IMPG2: variants seen among roughly 807,000 people sequenced by gnomAD.
The protein encoded by IMPG2 is IPM 200.
A neutral mutation model predicts 129.2 loss-of-function variants in IMPG2; 91 were observed. The observed-to-expected ratio is 0.70, with a 90% CI of 0.59 to 0.84. IMPG2 has a LOEUF of 0.84. IMPG2 is among the 40% of genes least tolerant of loss of function. The pLI is 0.00. For missense variants in IMPG2, 1,430 were observed against 1,461.7 expected (o/e 0.98, Z 0.35); for synonymous variants, 510 against 517.7 (o/e 0.99, Z 0.20).
intron 3 of IMPG2, among the ~76,000 whole-genome samples, chr3:101,303,914 T>C (rs1326522729): frequency 6.6e-6 from 1 of 152,196 alleles, no homozygotes; most frequent in Non-Finnish European, 1.5e-5. Context: ...TAATAATGTC[T>C]TCTTTTTCTT....
chr3:101,246,328 C>T (rs538859453), intron 11 of IMPG2, among the ~76,000 whole-genome samples: 2 of 152,062 alleles, frequency 1.3e-5, no homozygotes, highest in African/African-American at 4.8e-5. Flanking sequence ...ACCTGAAAAC[C>T]AAGGACAGAT....
rs1281613166 is a variant in IMPG2 at position 101,223,192 on chromosome 3, G to A, written c.*3777C>T. ...ACAATGCAATGGATTTGAGAATAGTGACCGTCACATCATTTTTCTGCATTT... is the reference window on the plus strand; with the variant it reads ...ACAATGCAATGGATTTGAGAATAGTAACCGTCACATCATTTTTCTGCATTT... On this transcript the variant is annotated 3_prime_UTR_variant, in exon 19 of 19. Transcript: ENST00000193391. 1.3e-5 allele frequency: 2 copies of A among 152,160 alleles called. No homozygotes were observed. The highest frequency in any genetic ancestry group is 2.9e-5 in the Non-Finnish European group (2 of 68,034). 9.4% of individuals were successfully genotyped at this position (152,160 alleles called of 1,614,324 possible).
chr3:101,319,968 T>A, intron 1 of IMPG2, 136 bp from the exon 2 acceptor site: 1 of 873,290 alleles, frequency 1.1e-6, no homozygotes, highest in Non-Finnish European at 1.8e-6. Context: ...CATGCATATC[T>A]AAGGAAAAGA....
chr3:101,228,867 C>A lies in IMPG2; in HGVS notation c.3643G>T (p.Glu1215Ter). The A allele has an allele frequency of 6.2e-7, 1 of 1,613,276 alleles. No homozygotes were observed. The highest frequency in any genetic ancestry group is 8.5e-7 in the Non-Finnish European group (1 of 1,179,306). The part of the protein sequence containing the change: ...SSELSREEIQ[E>*]RMRVLELYAN... Reference sequence around the variant, plus strand: ...TACAGTTCCAAAACTCTCATTCTCTCTTGAATTTCCTTAAACAAAAAAGAA... The same window carrying A: ...TACAGTTCCAAAACTCTCATTCTCTATTGAATTTCCTTAAACAAAAAAGAA... The change falls in exon 18 of 19, where the codon GAG (glutamate) becomes TAG (stop). Residue 1215 changes from glutamate to a stop codon, truncating the protein, a stop_gained. Transcript: ENST00000193391. LOFTEE classifies it high-confidence loss of function.
intron 14 of IMPG2, among the ~76,000 whole-genome samples, chr3:101,235,230 TGA>T (rs1403933361): frequency 1.3e-5 from 2 of 152,228 alleles, no homozygotes; most frequent in African/African-American, 4.8e-5. Flanking sequence ...AAGGAAAGTG[TGA>T]GAGTCTTTTT....
At chr3:101,247,208 A>G (rs1188738075) in intron 11 of IMPG2, among the ~76,000 whole-genome samples, 1 of 152,250 alleles carries the variant, frequency 6.6e-6, no homozygotes, top group Non-Finnish European at 1.5e-5. Flanking sequence ...AAAGATAGAT[A>G]ACTACAATCC....
chr3:101,259,026 T>C (rs1333845112), intron 9 of IMPG2, among the ~76,000 whole-genome samples: 1 of 152,184 alleles, frequency 6.6e-6, no homozygotes, highest in African/African-American at 2.4e-5. Flanking sequence ...AGATGTAATA[T>C]GTGGCAGAGT....
At chr3:101,290,688 G>C (rs1159592482) in intron 4 of IMPG2, among the ~76,000 whole-genome samples, 2 of 151,998 alleles carry the variant, frequency 1.3e-5, no homozygotes, top group African/African-American at 4.8e-5. Context: ...TTGAAACCTG[G>C]ATATACCCCA....
chr3:101,250,193 A>G (rs1706528916), intron 11 of IMPG2, among the ~76,000 whole-genome samples: 1 of 152,208 alleles, frequency 6.6e-6, no homozygotes, highest in Non-Finnish European at 1.5e-5. Flanking sequence ...CTTAGCACCA[A>G]ATAGACATAA....
intron 2 of IMPG2, among the ~76,000 whole-genome samples, chr3:101,312,887 G>A (rs1260707786): frequency 6.6e-6 from 1 of 152,038 alleles, no homozygotes; most frequent in East Asian, 1.9e-4. Flanking sequence ...ACACAATTCT[G>A]TAAAGACAGA....
At chr3:101,311,423 G>C (rs1297798603) in intron 2 of IMPG2, among the ~76,000 whole-genome samples, 1 of 151,956 alleles carries the variant, frequency 6.6e-6, no homozygotes, top group African/African-American at 2.4e-5. Flanking sequence ...CTGTATGATA[G>C]CAATGAACAA....
chr3:101,232,766 G>A lies in IMPG2; in HGVS notation c.3233+15C>T. The A allele has an allele frequency of 6.2e-7, 1 of 1,611,648 alleles. No individual in the cohort carries two copies. Among genetic ancestry groups the A allele is most frequent in the Non-Finnish European group, 8.5e-7 (1 of 1,178,158 alleles). ...TCTATAGCCTCTAAAGTCAAAATCT[G>A]TAACTACAACATACCTACAAATGGC... On this transcript the variant is annotated intron_variant, in intron 15 of 18. Coordinates refer to ENST00000193391, the MANE Select transcript of IMPG2 (RefSeq NM_016247.4).
At chr3:101,281,615 A>T (rs1010581846) in intron 4 of IMPG2, among the ~76,000 whole-genome samples, 1 of 152,198 alleles carries the variant, frequency 6.6e-6, no homozygotes, top group South Asian at 2.1e-4. Flanking sequence ...TAGCCTCCCA[A>T]AGAGGGCCAT....
intron 8 of IMPG2, 93 bp from the exon 9 acceptor site, chr3:101,267,624 C>T: frequency 9.3e-7 from 1 of 1,074,088 alleles, no homozygotes; most frequent in Non-Finnish European, 1.4e-6. Flanking sequence ...TGTATTTCCT[C>T]TGAATTTCTT....
chr3:101,261,811 G>A (rs1706674443), intron 9 of IMPG2, among the ~76,000 whole-genome samples: 1 of 151,976 alleles, frequency 6.6e-6, no homozygotes, highest in Non-Finnish European at 1.5e-5. Context: ...AAGAGGCCAA[G>A]GAAATACATG....
chr3:101,263,834 T>C (rs1189105493), intron 9 of IMPG2, among the ~76,000 whole-genome samples: 1 of 148,374 alleles, frequency 6.7e-6, no homozygotes. Context: ...CATTCTACCA[T>C]TACTCAAAGC....
intron 2 of IMPG2, among the ~76,000 whole-genome samples, chr3:101,312,135 T>C (rs1437447140): frequency 1.3e-5 from 2 of 152,108 alleles, no homozygotes; most frequent in African/African-American, 2.4e-5. Flanking sequence ...GGTTCAGCAA[T>C]GGATTCTTAG....
At chr3:101,268,121 G>A (rs1288439912) in intron 8 of IMPG2, among the ~76,000 whole-genome samples, 1 of 152,162 alleles carries the variant, frequency 6.6e-6, no homozygotes, top group Non-Finnish European at 1.5e-5. Context: ...GACCAAAGAA[G>A]ATAAATAAGT....
intron 5 of IMPG2, 147 bp from the exon 6 acceptor site, chr3:101,275,892 G>A (rs1479395947): frequency 2.9e-6 from 2 of 684,036 alleles, no homozygotes; most frequent in Non-Finnish European, 5.3e-6. Flanking sequence ...CTAACCTCAG[G>A]ACATATTTGT....
Sources: allele counts gnomAD v4.1 joint callset (sites outside exome capture counted in the v4.1 genomes callset), GRCh38; gene constraint gnomAD v4.1.1; transcripts MANE v1.5; gene names NCBI Gene and HGNC (gene_info 2026-07-23, HGNC 2026-07-21).